The following NOL4 variants were observed in gnomAD, a reference collection of about 807,000 sequenced individuals.
The protein encoded by NOL4 is cancer/testis antigen 125.
NOL4 carries 17 observed loss-of-function variants against 75.9 expected under a neutral mutation model. That is an observed-to-expected ratio of 0.22 (90% CI 0.15 to 0.34). The LOEUF (loss-of-function observed/expected upper bound fraction) is 0.34, where lower values mean the gene tolerates loss of function less well. Among genes scored for constraint, NOL4 ranks in the 10% least tolerant of loss-of-function variants. The pLI is 1.00. For synonymous variants in NOL4, 292 were observed against 289.9 expected (o/e 1.01, Z -0.07); for missense variants, 614 against 793.5 (o/e 0.77, Z 2.72).
intron 6 of NOL4, among the ~76,000 whole-genome samples, chr18:34,006,012 T>C (rs902806185): frequency 6.6e-6 from 1 of 152,126 alleles, no homozygotes; most frequent in East Asian, 1.9e-4. Flanking sequence ...CTTTGTGTTT[T>C]CACAGAACAT....
chr18:33,862,880 A>T (rs926149586), intron 10 of NOL4, among the ~76,000 whole-genome samples: 1 of 152,236 alleles, frequency 6.6e-6, no homozygotes, highest in African/African-American at 2.4e-5. Context: ...TCAGGGATCT[A>T]GAACTAGAAA....
At chr18:33,887,168 A>G (rs991044090) in intron 9 of NOL4, among the ~76,000 whole-genome samples, 5 of 145,656 alleles carry the variant, frequency 3.4e-5, no homozygotes, top group African/African-American at 1.2e-4. Context: ...GTATATATAT[A>G]TAGATGTATC....
At chr18:34,021,252 G>C (rs551634359) in intron 5 of NOL4, among the ~76,000 whole-genome samples, 2 of 152,222 alleles carry the variant, frequency 1.3e-5, no homozygotes, top group South Asian at 4.1e-4. Context: ...CTAATACAAG[G>C]GATAAAGACA....
chr18:34,095,078 T>G (rs1051023556), intron 4 of NOL4, among the ~76,000 whole-genome samples: 2 of 152,144 alleles, frequency 1.3e-5, no homozygotes, highest in African/African-American at 4.8e-5. Flanking sequence ...GTGTCTTTCC[T>G]TTATCAAAGA....
At chr18:33,976,625 T>C (rs1273708148) in intron 6 of NOL4, among the ~76,000 whole-genome samples, 8 of 152,154 alleles carry the variant, frequency 5.3e-5, no homozygotes. Flanking sequence ...AGTACTTTGA[T>C]GTTTGATGAT....
At chr18:33,914,992 C>A (rs530073672) in intron 9 of NOL4, among the ~76,000 whole-genome samples, 1 of 152,024 alleles carries the variant, frequency 6.6e-6, no homozygotes, top group East Asian at 1.9e-4. Context: ...AGGTCTAAAG[C>A]CAGGAGCACT....
At position 34,164,077 on chromosome 18, in the gene NOL4, T is replaced by C. The variant is rs538912964; in HGVS notation, c.265-34057A>G. ...AACTGGATCCCTTCCTTACACCTTA[T>C]ACAAAAATTAATCCAAGATGGATTA... On this transcript the variant is annotated intron_variant, in intron 1 of 10. Coordinates refer to ENST00000261592, the MANE Select transcript of NOL4 (RefSeq NM_003787.5). Among the ~76,000 whole-genome samples, 5 of 152,238 alleles carry C rather than the reference T, an allele frequency of 3.3e-5. No homozygotes were observed. The East Asian group carries it at 7.7e-4, about 24-fold the overall frequency.
intron 5 of NOL4, among the ~76,000 whole-genome samples, chr18:34,044,137 T>A (rs886863725): frequency 1.1e-4 from 16 of 152,208 alleles, no homozygotes; most frequent in Non-Finnish European, 1.6e-4. Flanking sequence ...TACAGAGGGA[T>A]CTTTTGTTAG....
chr18:34,188,918 CT>C (rs1266944797), intron 1 of NOL4, among the ~76,000 whole-genome samples: 1 of 152,024 alleles, frequency 6.6e-6, no homozygotes, highest in Non-Finnish European at 1.5e-5. Context: ...AATATTGGTA[CT>C]TTTTTTAAAA....
intron 4 of NOL4, among the ~76,000 whole-genome samples, chr18:34,098,378 A>G (rs1200892268): frequency 2.6e-5 from 4 of 152,270 alleles, no homozygotes; most frequent in Middle Eastern, 3.4e-3. Flanking sequence ...AGCCAGCCAC[A>G]TGGAGAGTGA....
chr18:34,137,779 T>TATAC (rs1354745785), intron 1 of NOL4, among the ~76,000 whole-genome samples: 6,142 of 147,128 alleles, frequency 0.042, 179 homozygotes, highest in African/African-American at 0.076. Flanking sequence ...ATATACGAAA[T>TATAC]ACACACACAC....
At chr18:33,942,692 T>A (rs777149596) in intron 9 of NOL4, among the ~76,000 whole-genome samples, 1 of 151,818 alleles carries the variant, frequency 6.6e-6, no homozygotes, top group African/African-American at 2.4e-5. Context: ...TAAGGAGAGG[T>A]TGGTTCATTT....
chr18:33,857,664 A>G (rs2062898656), intron 10 of NOL4, among the ~76,000 whole-genome samples: 1 of 152,050 alleles, frequency 6.6e-6, no homozygotes, highest in African/African-American at 2.4e-5. Context: ...CAGTATATTC[A>G]GATTCTATTC....
chr18:34,177,970 T>C (rs1166186350), intron 1 of NOL4, among the ~76,000 whole-genome samples: 5 of 151,810 alleles, frequency 3.3e-5, no homozygotes, highest in Non-Finnish European at 1.5e-5. Context: ...AAGGGAGAGT[T>C]AAATATAAAT....
chr18:33,890,083 T>C (rs1453502341), intron 9 of NOL4, among the ~76,000 whole-genome samples: 2 of 151,988 alleles, frequency 1.3e-5, no homozygotes, highest in Admixed American at 1.3e-4. Context: ...GTTAGGAAAA[T>C]AGGAAGTCAA....
At chr18:34,015,196 T>G (rs181608594) in intron 6 of NOL4, among the ~76,000 whole-genome samples, 126 of 152,022 alleles carry the variant, frequency 8.3e-4, no homozygotes, top group Non-Finnish European at 1.5e-3. Context: ...CACTCTACAT[T>G]TGGATTAAGA....
At chr18:34,178,635 G>A (rs1019123611) in intron 1 of NOL4, among the ~76,000 whole-genome samples, 2 of 151,638 alleles carry the variant, frequency 1.3e-5, no homozygotes, top group African/African-American at 4.8e-5. Context: ...TGATAAAGTT[G>A]TCAAGCCATC....
chr18:33,890,831 G>T (rs1016724333), intron 9 of NOL4, among the ~76,000 whole-genome samples: 2 of 151,958 alleles, frequency 1.3e-5, no homozygotes, highest in African/African-American at 4.8e-5. Context: ...TAGTGCTACT[G>T]CAAACAAGAA....
chr18:34,031,031 G>T (rs552417917), intron 5 of NOL4, among the ~76,000 whole-genome samples: 23 of 152,194 alleles, frequency 1.5e-4, no homozygotes, highest in African/African-American at 5.3e-4. Context: ...GCAGGATAGG[G>T]AATCACAAGG....
Sources: gnomAD v4.1 joint callset for allele counts (sites outside exome capture counted in the v4.1 genomes callset) on GRCh38, gnomAD v4.1.1 for gene constraint, MANE v1.5 for transcripts, NCBI Gene and HGNC (gene_info 2026-07-23, HGNC 2026-07-21) for gene names.